ATP5F1B: variants seen among roughly 807,000 people sequenced by gnomAD.
ATP5F1B encodes ATP synthase F(1) complex subunit beta, mitochondrial.
Under a neutral mutation model 45.9 loss-of-function variants are expected in ATP5F1B, and 17 were observed. The ratio of observed to expected loss-of-function variants is 0.37; its 90% CI spans 0.25 to 0.56. The LOEUF (loss-of-function observed/expected upper bound fraction) is 0.56. Ranked by LOEUF, ATP5F1B falls within the 20% of genes least tolerant of loss-of-function variation. ATP5F1B has a pLI of 0.80. For synonymous variants in ATP5F1B, 218 were observed against 256.5 expected, an observed-to-expected ratio of 0.85 and a Z score of 1.43; for missense variants, 387 against 673.2, an observed-to-expected ratio of 0.57 and a Z score of 4.70.
At position 56,645,902 on chromosome 12, in the gene ATP5F1B, G is replaced by C. The variant is rs759165869; in HGVS notation, c.62C>G (p.Thr21Ser). Reference protein sequence around the residue: ...APASGALRRLTPSASLPPAQL... With the variant: ...APASGALRRLSPSASLPPAQL... Reference sequence around the variant, plus strand: ...AGCTGGGGGCAGCGACGCTGAAGGGGTGAGTCTCCGCAAGGCCCCGGAGGC... The same window carrying C: ...AGCTGGGGGCAGCGACGCTGAAGGGCTGAGTCTCCGCAAGGCCCCGGAGGC... Residue 21 changes from threonine to serine, a missense_variant, in exon 1 of 10, where the codon ACC becomes AGC. Transcript: ENST00000262030. 1.9e-6 allele frequency: 3 copies of C among 1,608,028 alleles called. No individual in the cohort carries two copies. The highest frequency in any genetic ancestry group is 2.2e-5 in the South Asian group (2 of 90,048).
chr12:56,641,154 C>T (rs1458566734), intron 7 of ATP5F1B, among the ~76,000 whole-genome samples: 2 of 152,042 alleles, frequency 1.3e-5, no homozygotes, highest in Non-Finnish European at 2.9e-5. Flanking sequence ...CACCTGAGGT[C>T]AGGAGTTCAA....
rs1474615618 is a variant in ATP5F1B at position 56,639,842 on chromosome 12, T to C, written c.1287+138A>G. On this transcript the variant is annotated intron_variant, in intron 8 of 9. Coordinates refer to ENST00000262030, the MANE Select transcript of ATP5F1B (RefSeq NM_001686.4). ...TACCTGGAAACTCAAGAGACCTCAT[T>C]AGCTCTCACTAGCAATTGCCAGCCT... The C allele has an allele frequency of 5.2e-6, 4 of 775,054 alleles. No individual in the cohort carries two copies. In the African/African-American group the frequency reaches 7.0e-5, roughly 14 times the overall value. 48.0% of individuals were successfully genotyped at this position (775,054 alleles called of 1,614,324 possible). A position where few individuals can be genotyped will look rare whatever the true frequency, so the allele number is the denominator to read the frequency against.
intron 2 of ATP5F1B, 37 bp from the exon 3 acceptor site, chr12:56,644,992 A>T (rs1432995153): frequency 6.2e-7 from 1 of 1,614,106 alleles, no homozygotes; most frequent in African/African-American, 1.3e-5. Context: ...ATACATAAGG[A>T]TAAATTGGTA....
intron 5 of ATP5F1B, 185 bp downstream of exon 5, chr12:56,643,218 G>C (rs1951524909): frequency 5.7e-6 from 3 of 524,298 alleles, no homozygotes; most frequent in Non-Finnish European, 9.8e-6. Flanking sequence ...GTCCATTTGT[G>C]TATTGGAAGT....
At chr12:56,643,001 C>T (rs1044365429) in intron 5 of ATP5F1B, 170 bp from the exon 6 acceptor site, 1 of 698,294 alleles carries the variant, frequency 1.4e-6, no homozygotes, top group Non-Finnish European at 2.3e-6. Context: ...AAAAAGACAG[C>T]TTCTTATATT....
intron 7 of ATP5F1B, among the ~76,000 whole-genome samples, chr12:56,641,846 C>T (rs1464314888): frequency 2.0e-5 from 3 of 151,740 alleles, no homozygotes; most frequent in South Asian, 4.2e-4. Flanking sequence ...CCACCGTGCC[C>T]GGCCCCAAAG....
chr12:56,642,443 T>G lies in ATP5F1B; in HGVS notation c.1074+15A>C, dbSNP rs200004957. On this transcript the variant is annotated intron_variant, in intron 7 of 9. Coordinates refer to ENST00000262030, the MANE Select transcript of ATP5F1B (RefSeq NM_001686.4). ...TTTATACAAATCAGATCTTCATCTATGTAATTTTTCTTACCTGTACAGAGG... is the reference window on the plus strand; with the variant it reads ...TTTATACAAATCAGATCTTCATCTAGGTAATTTTTCTTACCTGTACAGAGG... 3.0e-5 allele frequency: 49 copies of G among 1,613,390 alleles called. No individual in the cohort carries two copies. In the Admixed American group the frequency reaches 6.7e-4, roughly 22 times the overall value.
chr12:56,641,448 C>T (rs561160622), intron 7 of ATP5F1B, among the ~76,000 whole-genome samples: 4 of 151,968 alleles, frequency 2.6e-5, no homozygotes, highest in Non-Finnish European at 5.9e-5. Flanking sequence ...AAAGTTCCTA[C>T]AGTTTAGCCA....
At chr12:56,640,488 A>G (rs895638528) in intron 7 of ATP5F1B, among the ~76,000 whole-genome samples, 8 of 151,542 alleles carry the variant, frequency 5.3e-5, no homozygotes, top group African/African-American at 1.9e-4. Context: ...TTGGCCTCCC[A>G]AAGTGTTGGG....
rs1394993973 is a variant in ATP5F1B at position 56,640,205 on chromosome 12, C to A, written c.1075-13G>T. ...GCACATAGATAGCCTAAAGTGAGATCCCATGAAGAACAGGAACCAAAGTAA... is the reference window on the plus strand; with the variant it reads ...GCACATAGATAGCCTAAAGTGAGATACCATGAAGAACAGGAACCAAAGTAA... On this transcript the variant is annotated splice_polypyrimidine_tract_variant and intron_variant, in intron 7 of 9. Coordinates refer to ENST00000262030, the MANE Select transcript of ATP5F1B (RefSeq NM_001686.4). The A allele has an allele frequency of 2.5e-6, 4 of 1,610,518 alleles. No individual in the cohort carries two copies. The highest frequency in any genetic ancestry group is 3.4e-6 in the Non-Finnish European group (4 of 1,178,226).
rs1186147893 is a variant in ATP5F1B at position 56,640,087 on chromosome 12, T to C, written c.1180A>G (p.Ile394Val). 3.7e-6 allele frequency: 6 copies of C among 1,614,010 alleles called. No individual in the cohort carries two copies. In the African/African-American group the frequency reaches 6.7e-5, roughly 18 times the overall value. Residue 394 changes from isoleucine to valine, a missense_variant, in exon 8 of 10, where the codon ATC (isoleucine) becomes GTC (valine). By Grantham distance (29) the Ile-to-Val change is conservative. This residue lies in a region of ATP5F1B where 154 missense variants were observed against 361.4 expected (regional missense o/e 0.43). Coordinates refer to ENST00000262030, the MANE Select transcript of ATP5F1B (RefSeq NM_001686.4). The part of the protein sequence containing the change: ...VLSRAIAELG[I>V]YPAVDPLDST... ...TCTAGAGGATCCACAGCTGGATAGA[T>C]GCCCAGCTCAGCAATGGCACGCGAC...
At chr12:56,638,465 G>A (rs1368878653) in intron 9 of ATP5F1B, 42 bp from the exon 10 acceptor site, 1 of 1,465,138 alleles carries the variant, frequency 6.8e-7, no homozygotes, top group South Asian at 1.2e-5. Context: ...AAGAAGCGGA[G>A]GGATATCAAC....
Position 56,642,447 on chromosome 12 carries a change from A to T in ATP5F1B, c.1074+11T>A, listed in dbSNP as rs867106580. The T allele has an allele frequency of 1.2e-5, 19 of 1,613,326 alleles. No individual in the cohort carries two copies. The highest frequency in any genetic ancestry group is 1.8e-4 in the Middle Eastern group (1 of 5,598). ...TACAAATCAGATCTTCATCTATGTA[A>T]TTTTTCTTACCTGTACAGAGGTGAT... On this transcript the variant is annotated intron_variant, in intron 7 of 9. Coordinates refer to ENST00000262030, the MANE Select transcript of ATP5F1B (RefSeq NM_001686.4).
chr12:56,643,206 A>G, intron 5 of ATP5F1B, 197 bp downstream of exon 5: 1 of 517,438 alleles, frequency 1.9e-6, no homozygotes, highest in Non-Finnish European at 3.3e-6. Flanking sequence ...AGGAAAGAAA[A>G]TGTCCATTTG....
At chr12:56,640,316 C>A in intron 7 of ATP5F1B, 124 bp from the exon 8 acceptor site, 3 of 769,166 alleles carry the variant, frequency 3.9e-6, no homozygotes, top group Non-Finnish European at 6.1e-6. Context: ...GCAACCTCTG[C>A]CTCCTGGATT....
chr12:56,640,231 A>T (rs1951501963), intron 7 of ATP5F1B, 39 bp from the exon 8 acceptor site: 16 of 1,367,896 alleles, frequency 1.2e-5, no homozygotes, highest in East Asian at 2.6e-5. Context: ...ACCAAAGTAA[A>T]TTTTTTTTTT....
intron 8 of ATP5F1B, 144 bp downstream of exon 8, chr12:56,639,836 C>A (rs1396199085): frequency 2.7e-6 from 2 of 734,318 alleles, no homozygotes; most frequent in East Asian, 5.4e-5. Context: ...ACTCAAGAGA[C>A]CTCATTAGCT....
chr12:56,645,931 A>G lies in ATP5F1B; in HGVS notation c.33T>C (p.Ala11=). Residue 11 remains alanine, a synonymous_variant, in exon 1 of 10, where the codon GCT becomes GCC. Coordinates refer to ENST00000262030, the MANE Select transcript of ATP5F1B (RefSeq NM_001686.4). MLGFVGRVAA[A]PASGALRRLT... ...GTCTCCGCAAGGCCCCGGAGGCCGG[A>G]GCAGCGGCCACCCGACCCACAAACC... is the stretch of plus-strand genomic sequence containing the variant. 6.2e-7 allele frequency: 1 copy of G among 1,606,496 alleles called. No homozygotes were observed. Among genetic ancestry groups the G allele is most frequent in the Non-Finnish European group, 8.5e-7 (1 of 1,177,226 alleles).
At chr12:56,642,081 C>G (rs751008578) in intron 7 of ATP5F1B, among the ~76,000 whole-genome samples, 6 of 152,032 alleles carry the variant, frequency 3.9e-5, no homozygotes, top group Non-Finnish European at 7.4e-5. Flanking sequence ...ATTGCAACCT[C>G]TGCCTCCCGG....
Sources: gnomAD v4.1 joint callset for allele counts (sites outside exome capture counted in the v4.1 genomes callset) on GRCh38, gnomAD v4.1.1 for gene constraint, gnomAD v4.1.1 regional missense constraint, MANE v1.5 for transcripts, NCBI Gene and HGNC (gene_info 2026-07-23, HGNC 2026-07-21) for gene names.